FBN2: variants seen among roughly 807,000 people sequenced by gnomAD.
FBN2 encodes fibrillin 2.
In FBN2, 105 loss-of-function variants were observed where a neutral mutation model predicts 355.6. That is an observed-to-expected ratio of 0.30 (90% CI 0.25 to 0.35). The LOEUF (loss-of-function observed/expected upper bound fraction) is 0.35. Ranked by LOEUF, FBN2 falls within the 10% of genes least tolerant of loss-of-function variation. FBN2 has a pLI of 1.00. For missense variants in FBN2, 3,280 were observed against 3,758.7 expected, an observed-to-expected ratio of 0.87 and a Z score of 3.33; for synonymous variants, 1,350 against 1,301.2, an observed-to-expected ratio of 1.04 and a Z score of -0.81.
chr5:128,537,330 G>A lies in FBN2; in HGVS notation c.254+20C>T, dbSNP rs754314268. ...TCCCCCAAGCCGGAGCCCTAGGTGC[G>A]GAGCCGCTTGCCCACTTACCCTCGG... On this transcript the variant is annotated intron_variant, in intron 1 of 64. Coordinates refer to ENST00000262464, the MANE Select transcript of FBN2 (RefSeq NM_001999.4). 1.9e-6 allele frequency: 3 copies of A among 1,608,854 alleles called. No individual in the cohort carries two copies. Among genetic ancestry groups the A allele is most frequent in the Non-Finnish European group, 2.5e-6 (3 of 1,179,744 alleles).
intron 32 of FBN2, among the ~76,000 whole-genome samples, chr5:128,331,026 C>A (rs904849951): frequency 6.6e-6 from 1 of 152,082 alleles, no homozygotes; most frequent in African/African-American, 2.4e-5. Flanking sequence ...AGAATCAATT[C>A]TGAAGGTGAT....
At chr5:128,266,462 C>T (rs868442036) in intron 62 of FBN2, among the ~76,000 whole-genome samples, 1 of 152,134 alleles carries the variant, frequency 6.6e-6, no homozygotes, top group African/African-American at 2.4e-5. Flanking sequence ...TTGGGGGTGA[C>T]TGCCTTGTCA....
At chr5:128,368,100 T>C (rs1393878895) in intron 16 of FBN2, among the ~76,000 whole-genome samples, 1 of 152,060 alleles carries the variant, frequency 6.6e-6, no homozygotes, top group African/African-American at 2.4e-5. Context: ...TACAAATTGC[T>C]CCTTCCTCTG....
chr5:128,489,873 C>T (rs185203476), intron 5 of FBN2, among the ~76,000 whole-genome samples: 128 of 152,258 alleles, frequency 8.4e-4, no homozygotes, highest in African/African-American at 3.1e-3. Context: ...GTATAGACTA[C>T]AGATGAAGAC....
chr5:128,270,373 C>CA (rs1453461035), intron 62 of FBN2, among the ~76,000 whole-genome samples: 3 of 151,874 alleles, frequency 2.0e-5, no homozygotes, highest in African/African-American at 7.3e-5. Context: ...ACTAAAAATA[C>CA]AAAAAATGAG....
intron 7 of FBN2, among the ~76,000 whole-genome samples, chr5:128,424,718 T>A (rs988596467): frequency 6.6e-6 from 1 of 152,168 alleles, no homozygotes; most frequent in Non-Finnish European, 1.5e-5. Context: ...AGGCTACTAC[T>A]GCAGCAAAGT....
At chr5:128,523,348 T>C (rs1159700677) in intron 4 of FBN2, among the ~76,000 whole-genome samples, 1 of 152,100 alleles carries the variant, frequency 6.6e-6, no homozygotes, top group Admixed American at 6.6e-5. Context: ...CAGTTTTCAT[T>C]CCATCCTCAT....
chr5:128,337,145 C>T (rs32223), intron 27 of FBN2, among the ~76,000 whole-genome samples: 3 of 151,964 alleles, frequency 2.0e-5, no homozygotes, highest in South Asian at 4.1e-4. Flanking sequence ...CCTTTTGTAC[C>T]GCTATTAAAA....
intron 17 of FBN2, 87 bp from the exon 18 acceptor site, chr5:128,364,812 T>C: frequency 8.7e-7 from 1 of 1,153,380 alleles, no homozygotes; most frequent in East Asian, 2.4e-5. Flanking sequence ...CCATTCAACA[T>C]ATGAAGTGTT....
Position 128,369,318 on chromosome 5 carries a change from A to G in FBN2, c.2112T>C (p.Ser704=), listed in dbSNP as rs780580082. 6.2e-7 allele frequency: 1 copy of G among 1,614,148 alleles called. No homozygotes were observed. Among genetic ancestry groups the G allele is most frequent in the Non-Finnish European group, 8.5e-7 (1 of 1,180,018 alleles). Residue 704 remains serine (S), a synonymous_variant, in exon 16 of 65, where the codon AGT becomes AGC. Coordinates refer to ENST00000262464, the MANE Select transcript of FBN2 (RefSeq NM_001999.4). ...CTTTCTTGATTCCTCCATAGCAGGT[A>G]CTGCGCATGTGAGTATCTAAAGGAG... ...GRVCVDTHMR[S]TCYGGIKKGV...
intron 7 of FBN2, chr5:128,442,384 A>G (rs946555200): frequency 2.8e-5 from 13 of 456,378 alleles, no homozygotes; most frequent in Non-Finnish European, 4.8e-5. Context: ...TGAAATTCAA[A>G]CGAAAATACT....
chr5:128,314,888 G>C (rs775173816), intron 36 of FBN2, among the ~76,000 whole-genome samples: 3 of 151,878 alleles, frequency 2.0e-5, no homozygotes, highest in Non-Finnish European at 2.9e-5. Context: ...CCTCCAGTCT[G>C]TCAACTCCGT....
intron 55 of FBN2, 101 bp downstream of exon 55, chr5:128,286,616 GA>G: frequency 1.4e-6 from 2 of 1,388,304 alleles, no homozygotes; most frequent in South Asian, 2.3e-5. Context: ...AACACAGCTG[GA>G]AAAAGAGTTG....
Position 128,376,811 on chromosome 5 carries a change from A to G in FBN2, c.1892T>C (p.Met631Thr), listed in dbSNP as rs772122321. 3 of 1,613,626 alleles carry G rather than the reference A, an allele frequency of 1.9e-6. No individual in the cohort carries two copies. Among genetic ancestry groups the G allele is most frequent in the Non-Finnish European group, 8.5e-7 (1 of 1,179,668 alleles). ...GAAGCTGCCATCTTCATTGATGCAC[A>G]TTCCATTCAAACACATGTTGGTAGT... Reference protein sequence around the residue: ...CTTTNMCLNGMCINEDGSFKC... With the variant: ...CTTTNMCLNGTCINEDGSFKC... Residue 631 changes from methionine (M) to threonine (T), a missense_variant, in exon 14 of 65, where the codon ATG becomes ACG. Met to Thr is a moderately conservative substitution (Grantham distance 81). Coordinates refer to ENST00000262464, the MANE Select transcript of FBN2 (RefSeq NM_001999.4).
rs750055830 is a variant in FBN2, at chr5:128,537,409, C to T, written c.195G>A (p.Glu65=). The change falls in exon 1 of 65, where the codon GAG becomes GAA. Residue 65 remains glutamate, a synonymous_variant. Transcript: ENST00000262464. ...EGGFLAPEYR[E]EGAAVASRVR... is the part of the protein sequence containing the mutation. ...CGCGGCTGGCCACTGCGGCACCCTCCTCGCGATACTCGGGCGCTAGAAACC... is the reference window on the plus strand; with the variant it reads ...CGCGGCTGGCCACTGCGGCACCCTCTTCGCGATACTCGGGCGCTAGAAACC... 6.3e-5 allele frequency: 101 copies of T among 1,609,986 alleles called. No homozygotes were observed. The highest frequency in any genetic ancestry group is 8.3e-5 in the Non-Finnish European group (98 of 1,179,480).
chr5:128,537,258 TC>T (rs1756876286), intron 1 of FBN2, 91 bp downstream of exon 1: 2 of 1,565,212 alleles, frequency 1.3e-6, no homozygotes, highest in South Asian at 2.3e-5. Flanking sequence ...AGCTAAAGGG[TC>T]TGGGACGGAG....
chr5:128,528,475 A>T (rs1344009773), intron 3 of FBN2, among the ~76,000 whole-genome samples: 1 of 152,230 alleles, frequency 6.6e-6, no homozygotes, highest in Non-Finnish European at 1.5e-5. Flanking sequence ...GAAGGAGCTT[A>T]GATACTGGCA....
chr5:128,496,545 T>C (rs1252938620), intron 5 of FBN2, among the ~76,000 whole-genome samples: 1 of 152,074 alleles, frequency 6.6e-6, no homozygotes, highest in Non-Finnish European at 1.5e-5. Context: ...TCATAGATAA[T>C]ATCATATTTA....
chr5:128,300,403 C>G (rs978387388), intron 48 of FBN2, among the ~76,000 whole-genome samples: 1 of 152,132 alleles, frequency 6.6e-6, no homozygotes, highest in African/African-American at 2.4e-5. Context: ...GAGGCCTTCC[C>G]AAGAAAAAGA....
Sources: allele counts gnomAD v4.1 joint callset (sites outside exome capture counted in the v4.1 genomes callset), GRCh38; gene constraint gnomAD v4.1.1; transcripts MANE v1.5; gene names NCBI Gene and HGNC (gene_info 2026-07-23, HGNC 2026-07-21).